The following CNBD1 variants were observed in gnomAD, a reference collection of about 807,000 sequenced individuals.
CNBD1 encodes cyclic nucleotide-binding domain-containing protein 1.
A neutral mutation model predicts 54.4 loss-of-function variants in CNBD1; 71 were observed. The ratio of observed to expected loss-of-function variants is 1.30; its 90% CI spans 1.08 to 1.59. The LOEUF is 1.59. CNBD1 is among the 40% of genes most tolerant of loss of function. CNBD1 has a pLI of 0.00. For synonymous variants in CNBD1, 182 were observed against 170.7 expected (o/e 1.07, Z -0.51); for missense variants, 659 against 518.0 (o/e 1.27, Z -2.64).
chr8:87,420,668 C>T (rs996882816), intron 2 of CNBD1, among the ~76,000 whole-genome samples: 1 of 151,962 alleles, frequency 6.6e-6, no homozygotes, highest in Non-Finnish European at 1.5e-5. Flanking sequence ...TATGCTTTTG[C>T]TATTTAAATA....
chr8:87,392,564 A>G (rs1420270167), intron 2 of CNBD1, among the ~76,000 whole-genome samples: 1 of 152,048 alleles, frequency 6.6e-6, no homozygotes, highest in African/African-American at 2.4e-5. Flanking sequence ...AAAAAATTAC[A>G]TATTGTATGA....
At chr8:87,007,837 G>A (rs1809134240) in intron 4 of CNBD1, among the ~76,000 whole-genome samples, 1 of 152,050 alleles carries the variant, frequency 6.6e-6, no homozygotes, top group African/African-American at 2.4e-5. Flanking sequence ...CAAACATCTA[G>A]ATAAGAAGTT....
chr8:86,886,766 A>G (rs1808686241), intron 1 of CNBD1, among the ~76,000 whole-genome samples: 1 of 152,192 alleles, frequency 6.6e-6, no homozygotes, highest in South Asian at 2.1e-4. Flanking sequence ...TCACTAAAGA[A>G]AGGAGTAATA....
chr8:87,409,199 G>A (rs1333717666), intron 2 of CNBD1, among the ~76,000 whole-genome samples: 3 of 152,204 alleles, frequency 2.0e-5, no homozygotes, highest in Admixed American at 1.3e-4. Flanking sequence ...GTTTTACTCC[G>A]GTAAACATGC....
chr8:87,398,686 A>G (rs748617950), intron 2 of CNBD1, among the ~76,000 whole-genome samples: 3 of 152,010 alleles, frequency 2.0e-5, no homozygotes, highest in Non-Finnish European at 4.4e-5. Context: ...AGGGAGGCCT[A>G]TATGGTTGGA....
intron 8 of CNBD1, among the ~76,000 whole-genome samples, chr8:87,332,016 GT>G (rs34224349): frequency 0.16 from 24,269 of 152,026 alleles, 2,656 homozygotes; most frequent in African/African-American, 0.32. Context: ...TAGGTTGCAT[GT>G]TCACTCTGAT....
intron 4 of CNBD1, among the ~76,000 whole-genome samples, chr8:87,200,202 G>C (rs2130792970): frequency 6.6e-6 from 1 of 152,186 alleles, no homozygotes; most frequent in South Asian, 2.1e-4. Flanking sequence ...AGCAAGAATG[G>C]CTCAAAACCT....
chr8:87,421,111 T>C (rs1014259005), intron 2 of CNBD1, among the ~76,000 whole-genome samples: 78 of 152,048 alleles, frequency 5.1e-4, no homozygotes, highest in African/African-American at 1.8e-3. Context: ...TTCAATATAG[T>C]TTGGGTTGTA....
At chr8:87,011,482 T>G (rs1809221167) in intron 4 of CNBD1, among the ~76,000 whole-genome samples, 1 of 152,142 alleles carries the variant, frequency 6.6e-6, no homozygotes, top group Admixed American at 6.5e-5. Context: ...ATCATAAAAG[T>G]TGGATAATTT....
At chr8:87,139,343 T>G (rs1812325967) in intron 4 of CNBD1, among the ~76,000 whole-genome samples, 1 of 152,222 alleles carries the variant, frequency 6.6e-6, no homozygotes, top group Non-Finnish European at 1.5e-5. Context: ...GTAGGTATTG[T>G]GAAACAATTG....
chr8:87,338,455 G>C (rs755034436), intron 8 of CNBD1, among the ~76,000 whole-genome samples: 1 of 151,686 alleles, frequency 6.6e-6, no homozygotes, highest in Admixed American at 6.6e-5. Context: ...TTCAAGGTTG[G>C]TGATTTTGTT....
At chr8:87,104,192 G>T (rs1336678923) in intron 4 of CNBD1, among the ~76,000 whole-genome samples, 1 of 152,222 alleles carries the variant, frequency 6.6e-6, no homozygotes, top group Non-Finnish European at 1.5e-5. Context: ...ATATAAAAAT[G>T]TTGTCATGGA....
chr8:87,386,804 G>A (rs1274984821), downstream of CNBD1, among the ~76,000 whole-genome samples: 2 of 152,170 alleles, frequency 1.3e-5, no homozygotes, highest in Non-Finnish European at 2.9e-5. Flanking sequence ...ACACATAATT[G>A]TCAGATTCAA....
intron 3 of CNBD1, among the ~76,000 whole-genome samples, chr8:86,930,192 T>C (rs946090013): frequency 1.3e-5 from 2 of 152,214 alleles, no homozygotes; most frequent in African/African-American, 4.8e-5. Flanking sequence ...TTTTAATGTC[T>C]TACAGCAAGG....
chr8:86,887,273 T>G (rs549689256), intron 1 of CNBD1, among the ~76,000 whole-genome samples: 104 of 152,220 alleles, frequency 6.8e-4, no homozygotes, highest in Non-Finnish European at 1.1e-3. Flanking sequence ...GAAGTGACAT[T>G]ATATGAACAC....
chr8:87,175,951 G>GT (rs1414362365), intron 4 of CNBD1, among the ~76,000 whole-genome samples: 16 of 152,278 alleles, frequency 1.1e-4, no homozygotes, highest in South Asian at 2.1e-4. Flanking sequence ...CCCTCCATTG[G>GT]TGGGGGTCAG....
At chr8:86,981,171 CTG>C (rs1247876862) in intron 4 of CNBD1, among the ~76,000 whole-genome samples, 1 of 152,114 alleles carries the variant, frequency 6.6e-6, no homozygotes, top group African/African-American at 2.4e-5. Flanking sequence ...GTGTGTGTGT[CTG>C]TGTGCGTGCG....
intron 8 of CNBD1, among the ~76,000 whole-genome samples, chr8:87,346,191 G>A (rs915347967): frequency 2.6e-5 from 4 of 151,846 alleles, no homozygotes; most frequent in East Asian, 1.9e-4. Context: ...ACAGGCATGC[G>A]CCACCACGCT....
intron 4 of CNBD1, among the ~76,000 whole-genome samples, chr8:87,164,671 C>T (rs1053448695): frequency 2.0e-5 from 3 of 151,288 alleles, no homozygotes; most frequent in Admixed American, 2.0e-4. Flanking sequence ...TTATTTGAAT[C>T]TTCTTTTTCT....
Sources: gnomAD v4.1 joint callset for allele counts (sites outside exome capture counted in the v4.1 genomes callset) on GRCh38, gnomAD v4.1.1 for gene constraint, MANE v1.5 for transcripts, NCBI Gene and HGNC (gene_info 2026-07-23, HGNC 2026-07-21) for gene names.